Variants in MYO5A observed in about 807,000 individuals in gnomAD.
The protein encoded by MYO5A is unconventional myosin-Va.
A neutral mutation model predicts 249.7 loss-of-function variants in MYO5A; 98 were observed. The ratio of observed to expected loss-of-function variants is 0.39; its 90% confidence interval spans 0.33 to 0.46. The LOEUF (loss-of-function observed/expected upper bound fraction) is 0.46. MYO5A is among the 20% of genes least tolerant of loss of function. MYO5A has a pLI of 0.98. For synonymous variants in MYO5A, 778 were observed against 810.6 expected (o/e 0.96, Z 0.68); for missense variants, 1,696 against 2,308.8 (o/e 0.73, Z 5.44).
chr15:52,358,345 G>T (rs888830183), intron 25 of MYO5A, among the ~76,000 whole-genome samples: 1 of 152,148 alleles, frequency 6.6e-6, no homozygotes, highest in Admixed American at 6.5e-5. Flanking sequence ...GAGATCAACA[G>T]GATGTAATCC....
chr15:52,471,619 A>ACACACACC (rs773132992), intron 1 of MYO5A, among the ~76,000 whole-genome samples: 54 of 149,186 alleles, frequency 3.6e-4, no homozygotes, highest in Admixed American at 5.4e-4. Flanking sequence ...ACACACACAC[A>ACACACACC]CCCCAAACAA....
intron 9 of MYO5A, among the ~76,000 whole-genome samples, chr15:52,403,898 T>C (rs1447459649): frequency 6.6e-6 from 1 of 151,848 alleles, no homozygotes; most frequent in African/African-American, 2.4e-5. Context: ...ATAAAGAAAA[T>C]CGTAAGGATC....
intron 4 of MYO5A, among the ~76,000 whole-genome samples, chr15:52,420,244 G>A (rs942712523): frequency 1.3e-5 from 2 of 151,450 alleles, no homozygotes; most frequent in South Asian, 2.1e-4. Flanking sequence ...GGTTGAGGCT[G>A]TAGTGAACCA....
At chr15:52,514,754 T>A (rs1426189760) in intron 1 of MYO5A, among the ~76,000 whole-genome samples, 1 of 152,198 alleles carries the variant, frequency 6.6e-6, no homozygotes, top group African/African-American at 2.4e-5. Context: ...ATCTTCCCTT[T>A]AACAAGATTC....
At chr15:52,370,730 A>T (rs1033637197) in intron 21 of MYO5A, among the ~76,000 whole-genome samples, 1 of 152,220 alleles carries the variant, frequency 6.6e-6, no homozygotes, top group Admixed American at 6.5e-5. Flanking sequence ...AAATAGGAGG[A>T]TCTATACTTG....
In MYO5A at chr15:52,376,650, A is replaced by G. The variant is rs2041430637; in HGVS notation, c.2209-92T>C. ...GTCTAAAAGCAGAATCAGTAAAGGA[A>G]TGACTCTATTAGCTAAAACTTGGGC... On this transcript the variant is annotated intron_variant, in intron 18 of 41. Transcript: ENST00000399233. 61 of 1,227,104 alleles carry G rather than the reference A, an allele frequency of 5.0e-5. 1 individual carries two copies. In the South Asian group the frequency reaches 7.9e-4, roughly 16 times the overall value. The allele number at this position is 1,227,104 out of a possible 1,614,324, so 76.0% of individuals were successfully genotyped here.
chr15:52,387,419 C>G (rs781589901), intron 14 of MYO5A, among the ~76,000 whole-genome samples: 4 of 152,192 alleles, frequency 2.6e-5, no homozygotes, highest in Non-Finnish European at 5.9e-5. Context: ...ACTGACAGGG[C>G]AGAAAGACTG....
rs143245119 is a variant in MYO5A at position 52,464,386 on chromosome 15, G to A, written c.28-31101C>T. On this transcript the variant is annotated intron_variant, in intron 1 of 41. Transcript: ENST00000399233. ...GTTCAATGCCATTGCTGTACCCACT[G>A]CCTAGAACACCTTCCCCTCATTTCC... Among the ~76,000 whole-genome samples the A allele has an allele frequency of 4.7e-3, 714 of 152,252 alleles. 3 individuals are homozygous for A. The highest frequency in any genetic ancestry group is 0.017 in the African/African-American group (691 of 41,536).
At chr15:52,378,529 A>AAAAAAAAAAAAAAAAAAAAAAAAG (rs1476819491) in intron 18 of MYO5A, among the ~76,000 whole-genome samples, 1 of 142,318 alleles carries the variant, frequency 7.0e-6, no homozygotes, top group Non-Finnish European at 1.5e-5. Context: ...AAAAAAAAAA[A>AAAAAAAAAAAAAAAAAAAAAAAAG]AAGAAGGGAA....
intron 25 of MYO5A, among the ~76,000 whole-genome samples, chr15:52,359,400 T>C (rs1461486262): frequency 1.3e-5 from 2 of 152,196 alleles, no homozygotes; most frequent in Non-Finnish European, 2.9e-5. Flanking sequence ...TCATTTTGGT[T>C]TCATACCACA....
chr15:52,342,244 A>C (rs938487556), intron 31 of MYO5A, among the ~76,000 whole-genome samples: 1 of 152,104 alleles, frequency 6.6e-6, no homozygotes, highest in African/African-American at 2.4e-5. Flanking sequence ...TGACAGTCCC[A>C]GTTACTCAGG....
rs922036204 is a variant in MYO5A at position 52,311,411 on chromosome 15, T to G, written c.*2285A>C. ...ACGAACCAAATGGCTATGACTTAAT[T>G]GTGCATTGAAAACCGCATTGACAAC... is the stretch of plus-strand genomic sequence containing the variant. On this transcript the variant is annotated 3_prime_UTR_variant, in exon 42 of 42. Transcript: ENST00000399233. 1 of 152,192 alleles carries G rather than the reference T, an allele frequency of 6.6e-6. No individual in the cohort carries two copies. The highest frequency in any genetic ancestry group is 2.4e-5 in the African/African-American group (1 of 41,450). 9.4% of individuals were successfully genotyped at this position (152,192 alleles called of 1,614,324 possible). A position where few individuals can be genotyped will look rare whatever the true frequency, so the allele number is the denominator to read the frequency against.
intron 20 of MYO5A, 86 bp downstream of exon 20, chr15:52,375,218 T>C (rs2041344190): frequency 6.5e-6 from 9 of 1,388,552 alleles, no homozygotes; most frequent in East Asian, 4.7e-5. Flanking sequence ...CCTACCTTCA[T>C]TGTAGCCCCT....
At chr15:52,435,110 G>T (rs1313285771) in intron 1 of MYO5A, among the ~76,000 whole-genome samples, 1 of 152,176 alleles carries the variant, frequency 6.6e-6, no homozygotes, top group Non-Finnish European at 1.5e-5. Flanking sequence ...AAGTACAAGA[G>T]AAATTTATAT....
At chr15:52,430,478 T>C (rs1372862041) in intron 2 of MYO5A, among the ~76,000 whole-genome samples, 2 of 152,240 alleles carry the variant, frequency 1.3e-5, no homozygotes, top group African/African-American at 4.8e-5. Context: ...CTGGAATCAC[T>C]GGACATCATT....
chr15:52,443,687 G>A lies in MYO5A; in HGVS notation c.28-10402C>T, dbSNP rs184780546. Among the ~76,000 whole-genome samples, 611 of 140,042 alleles carry A rather than the reference G, an allele frequency of 4.4e-3. 2 individuals carry two copies. The highest frequency in any genetic ancestry group is 5.6e-3 in the Non-Finnish European group (370 of 65,704). The allele number at this position is 140,042 out of a possible 152,430, so 91.9% of individuals were successfully genotyped here. A position where few individuals can be genotyped will look rare whatever the true frequency, so the allele number is the denominator to read the frequency against. On this transcript the variant is annotated intron_variant, in intron 1 of 41. Coordinates refer to ENST00000399233, the MANE Select transcript of MYO5A (RefSeq NM_001382347.1). ...TGGGCCACTGCACTTTAGCCTGGGC[G>A]ACAGGGCAAGACTCCATCTCAAAAA... is the stretch of plus-strand genomic sequence containing the variant.
chr15:52,381,780 T>TCACACA (rs1194170840), intron 16 of MYO5A, among the ~76,000 whole-genome samples: 1 of 74,472 alleles, frequency 1.3e-5, no homozygotes, highest in Non-Finnish European at 3.9e-5. Context: ...TCTCTCTCTC[T>TCACACA]CTCACACACA....
At chr15:52,398,891 A>G (rs2042607513) in intron 9 of MYO5A, among the ~76,000 whole-genome samples, 1 of 152,094 alleles carries the variant, frequency 6.6e-6, no homozygotes, top group African/African-American at 2.4e-5. Context: ...GGGGAGGCTG[A>G]GGCAAGAGAA....
Position 52,375,445 on chromosome 15 carries a change from C to T in MYO5A, c.2436G>A (p.Leu812=). The change falls in exon 20 of 42, where the codon CTG becomes CTA. Residue 812 remains leucine (L), a synonymous_variant. Coordinates refer to ENST00000399233, the MANE Select transcript of MYO5A (RefSeq NM_001382347.1). ...TGATGGTTGCTGCCTTGGTTCTGCGCAGAAACTTAGCATAGCTGGCCAAAG... is the reference window on the plus strand; with the variant it reads ...TGATGGTTGCTGCCTTGGTTCTGCGTAGAAACTTAGCATAGCTGGCCAAAG... ...GYQARCYAKF[L]RRTKAATIIQ... The T allele has an allele frequency of 1.2e-6, 2 of 1,614,094 alleles. No homozygotes were observed.
Sources: allele counts gnomAD v4.1 joint callset (sites outside exome capture counted in the v4.1 genomes callset), GRCh38; gene constraint gnomAD v4.1.1; transcripts MANE v1.5; gene names NCBI Gene and HGNC (gene_info 2026-07-23, HGNC 2026-07-21).